The following RFX1 variants were observed in gnomAD, a reference collection of about 807,000 sequenced individuals.
RFX1 encodes MHC class II regulatory factor RFX1.
Under a neutral mutation model 119.6 loss-of-function variants are expected in RFX1, and 42 were observed. The ratio of observed to expected loss-of-function variants is 0.35; its 90% CI spans 0.27 to 0.45. The LOEUF (loss-of-function observed/expected upper bound fraction) is 0.45, where lower values mean the gene tolerates loss of function less well. Ranked by LOEUF, RFX1 falls within the 20% of genes least tolerant of loss-of-function variation. RFX1 has a pLI of 1.00. For synonymous variants in RFX1, 628 were observed against 618.5 expected (o/e 1.02, Z -0.23); for missense variants, 1,118 against 1,368.1 (o/e 0.82, Z 2.88).
chr19:13,982,319 AG>A, intron 4 of RFX1, 91 bp from the exon 5 acceptor site: 1 of 628,356 alleles, frequency 1.6e-6, no homozygotes, highest in Non-Finnish European at 2.3e-6. Flanking sequence ...TGACATTCTA[AG>A]TGCTTCACGC....
At chr19:13,991,047 T>C (rs916643419) in intron 2 of RFX1, among the ~76,000 whole-genome samples, 1 of 152,158 alleles carries the variant, frequency 6.6e-6, no homozygotes, top group African/African-American at 2.4e-5. Flanking sequence ...TGGGAAGATC[T>C]GCAAGAGGGG....
chr19:13,979,216 G>T (rs1450849032), intron 7 of RFX1, among the ~76,000 whole-genome samples: 1 of 152,242 alleles, frequency 6.6e-6, no homozygotes, highest in East Asian at 1.9e-4. Context: ...CTCGGAGAGG[G>T]GTTAGAACTG....
At chr19:13,997,680 T>G (rs1297949932) in intron 1 of RFX1, among the ~76,000 whole-genome samples, 2 of 152,158 alleles carry the variant, frequency 1.3e-5, no homozygotes, top group Non-Finnish European at 2.9e-5. Flanking sequence ...TGGGAGGGAC[T>G]CCAGGACCCT....
chr19:13,967,118 C>G (rs1419184978), intron 12 of RFX1, among the ~76,000 whole-genome samples: 2 of 152,206 alleles, frequency 1.3e-5, no homozygotes, highest in African/African-American at 2.4e-5. Context: ...CTAAGCACCC[C>G]AGGTTGGGGC....
chr19:13,986,832 C>G lies in RFX1; in HGVS notation c.320-3237G>C, dbSNP rs904949382. ...CTACTTGGGGGAGCCCAGGGGAGGCCCTAGAGGCTGGACTCCTGGCATCCA... is the reference window on the plus strand; with the variant it reads ...CTACTTGGGGGAGCCCAGGGGAGGCGCTAGAGGCTGGACTCCTGGCATCCA... On this transcript the variant is annotated intron_variant, in intron 2 of 20. Transcript: ENST00000254325. The surrounding 1 kb of genome is among the most constrained non-coding windows in gnomAD (Gnocchi z 4.2). 6.6e-6 allele frequency among the ~76,000 whole-genome samples: 1 copy of G among 152,130 alleles called. No individual in the cohort carries two copies. Among genetic ancestry groups the G allele is most frequent in the African/African-American group, 2.4e-5 (1 of 41,434 alleles).
Position 13,969,872 on chromosome 19 carries a change from G to A in RFX1, c.1496+122C>T. 1.0e-6 allele frequency: 1 copy of A among 981,150 alleles called. No homozygotes were observed. Among genetic ancestry groups the A allele is most frequent in the Non-Finnish European group, 1.5e-6 (1 of 673,456 alleles). The allele number at this position is 981,150 out of a possible 1,614,324, so 60.8% of individuals were successfully genotyped here. A position where few individuals can be genotyped will look rare whatever the true frequency, so the allele number is the denominator to read the frequency against. ...TGGGAGTGAGCGGGGCTGTCGAGGA[G>A]CCTCGCAGAGGCCGGCGGGACTGGG... On this transcript the variant is annotated intron_variant, in intron 10 of 20. Coordinates refer to ENST00000254325, the MANE Select transcript of RFX1 (RefSeq NM_002918.5). The surrounding 1 kb of genome is among the most constrained non-coding windows in gnomAD (Gnocchi z 4.5).
intron 12 of RFX1, among the ~76,000 whole-genome samples, chr19:13,967,562 C>T (rs1008348950): frequency 2.0e-5 from 3 of 152,022 alleles, no homozygotes; most frequent in Middle Eastern, 3.4e-3. Context: ...CTGCAACCTC[C>T]GCCTCCTGAG....
rs75297410 is a variant in RFX1 at position 13,969,289 on chromosome 19, G to T, written c.1497-395C>A. Reference sequence around the variant, plus strand: ...ACAGACCCTGATGAAGCACTGACTAGGTACAACCCCGCGTCATCGAGGTAC... The same window carrying T: ...ACAGACCCTGATGAAGCACTGACTATGTACAACCCCGCGTCATCGAGGTAC... On this transcript the variant is annotated intron_variant, in intron 10 of 20. Transcript: ENST00000254325. This position sits in a 1 kb window ranked among gnomAD's most constrained non-coding sequence, Gnocchi z 4.5. Among the ~76,000 whole-genome samples the T allele has an allele frequency of 1.1e-4, 16 of 152,214 alleles. No homozygotes were observed. In the East Asian group the frequency reaches 2.7e-3, roughly 26 times the overall value.
At chr19:13,977,459 CAGGCTAGAGTACA>C (rs1359829877) in intron 8 of RFX1, among the ~76,000 whole-genome samples, 2 of 151,666 alleles carry the variant, frequency 1.3e-5, no homozygotes, top group Admixed American at 6.6e-5. Context: ...CTCTATTGCC[CAGGCTAGAGTACA>C]GTGGCACGAT....
chr19:13,986,076 C>A lies in RFX1; in HGVS notation c.320-2481G>T, dbSNP rs1974583441. Among the ~76,000 whole-genome samples, 1 of 152,214 alleles carries A rather than the reference C, an allele frequency of 6.6e-6. No homozygotes were observed. Among genetic ancestry groups the A allele is most frequent in the South Asian group, 2.1e-4 (1 of 4,832 alleles). On this transcript the variant is annotated intron_variant, in intron 2 of 20. Transcript: ENST00000254325. This position sits in a 1 kb window ranked among gnomAD's most constrained non-coding sequence, Gnocchi z 4.2. ...CAGCCCTGAGCCATAAGGGAGGAGGCCCTTGCTGAGAGGGCCCCTCCTGGG... is the reference window on the plus strand; with the variant it reads ...CAGCCCTGAGCCATAAGGGAGGAGGACCTTGCTGAGAGGGCCCCTCCTGGG...
At position 13,976,950 on chromosome 19, in the gene RFX1, C is replaced by T. The variant is rs535019471; in HGVS notation, c.929+1042G>A. On this transcript the variant is annotated intron_variant, in intron 8 of 20. Transcript: ENST00000254325. ...CCCGTGAGCTGCAGTGAGCCCTGAT[C>T]GCGCCACTGCTCTCTGGCCTGGGCG... Among the ~76,000 whole-genome samples the T allele has an allele frequency of 8.6e-5, 13 of 151,658 alleles. No individual in the cohort carries two copies. The South Asian group carries it at 1.7e-3, about 19-fold the overall frequency.
At chr19:14,001,428 G>A (rs1026863165) in intron 1 of RFX1, among the ~76,000 whole-genome samples, 20 of 152,114 alleles carry the variant, frequency 1.3e-4, no homozygotes, top group Non-Finnish European at 2.4e-4. Context: ...AGCCTCCACA[G>A]TATATGGGAA....
chr19:13,998,930 C>A (rs543152732), intron 1 of RFX1, among the ~76,000 whole-genome samples: 3 of 152,148 alleles, frequency 2.0e-5, no homozygotes, highest in Admixed American at 6.6e-5. Context: ...CCCTTCCACT[C>A]AGGGGCAAGA....
intron 1 of RFX1, among the ~76,000 whole-genome samples, chr19:14,000,581 G>A (rs936211404): frequency 1.3e-5 from 2 of 152,144 alleles, no homozygotes; most frequent in Non-Finnish European, 2.9e-5. Context: ...AGGATCACTT[G>A]AGCCCAGGAG....
chr19:14,001,140 C>A (rs1975204915), intron 1 of RFX1, among the ~76,000 whole-genome samples: 1 of 152,276 alleles, frequency 6.6e-6, no homozygotes, highest in African/African-American at 2.4e-5. Flanking sequence ...CCTCTTCCTC[C>A]CACCTGGCAT....
chr19:13,962,766 G>T lies in RFX1; in HGVS notation c.2869C>A (p.Leu957Met), dbSNP rs111774835. ...GESPALGPET[L>M]EPPAKLARTD... ...CGCGCCAGCTTGGCCGGCGGCTCCA[G>T]GGTCTCCGGGCCCAGCGCGGGTGAC... The change falls in exon 21 of 21, where the codon CTG (leucine) becomes ATG (methionine). Residue 957 changes from leucine (L) to methionine (M), a missense_variant. Physicochemically the swap from Leu to Met is conservative, Grantham distance 15. Transcript: ENST00000254325. 1.5e-3 allele frequency: 2,361 copies of T among 1,530,740 alleles called. 40 individuals carry two copies. In the African/African-American group the frequency reaches 0.028, roughly 18 times the overall value. The allele number at this position is 1,530,740 out of a possible 1,614,324, so 94.8% of individuals were successfully genotyped here. A position where few individuals can be genotyped will look rare whatever the true frequency, so the allele number is the denominator to read the frequency against.
intron 1 of RFX1, among the ~76,000 whole-genome samples, chr19:14,005,619 C>T (rs1975345019): frequency 6.6e-6 from 1 of 152,206 alleles, no homozygotes; most frequent in South Asian, 2.1e-4. Context: ...GGGACAACTG[C>T]AAAGCTCTTA....
Position 13,993,612 on chromosome 19 carries a change from G to A in RFX1, c.232C>T (p.Leu78Phe). 1.9e-6 allele frequency: 3 copies of A among 1,611,160 alleles called. No individual in the cohort carries two copies. The highest frequency in any genetic ancestry group is 2.5e-6 in the Non-Finnish European group (3 of 1,178,606). ...TGCGAGGGTGCGGGTACAGCCGGGAGCTCCGTCACGTACTGCTTCTGGCCA... is the reference window on the plus strand; with the variant it reads ...TGCGAGGGTGCGGGTACAGCCGGGAACTCCGTCACGTACTGCTTCTGGCCA... ...PGGQKQYVTE[L>F]PAVPAPSQPT... Residue 78 changes from leucine (L) to phenylalanine (F), a missense_variant, in exon 2 of 21, where the codon CTC becomes TTC. Around this residue, in one of 5 missense-constraint regions of RFX1, gnomAD observed 542 missense variants for 602.7 expected, o/e 0.90. Coordinates refer to ENST00000254325, the MANE Select transcript of RFX1 (RefSeq NM_002918.5).
chr19:14,005,881 G>A (rs542823736), intron 1 of RFX1, among the ~76,000 whole-genome samples: 1 of 151,372 alleles, frequency 6.6e-6, no homozygotes, highest in Admixed American at 6.6e-5. Context: ...CTCGCCGCGG[G>A]CCTGCGAGCG....
Sources: allele counts gnomAD v4.1 joint callset (sites outside exome capture counted in the v4.1 genomes callset), GRCh38; gene constraint gnomAD v4.1.1; regional missense constraint gnomAD v4.1.1; non-coding constraint Gnocchi (gnomAD v3.1); transcripts MANE v1.5; gene names NCBI Gene and HGNC (gene_info 2026-07-23, HGNC 2026-07-21).